Variants in KAZN observed in about 807,000 individuals in gnomAD.
KAZN encodes kazrin, periplakin interacting protein, also known as kazrin.
In KAZN, 40 loss-of-function variants were observed where a neutral mutation model predicts 87.4. The ratio of observed to expected loss-of-function variants is 0.46; its 90% CI spans 0.36 to 0.60. The LOEUF (loss-of-function observed/expected upper bound fraction) is 0.60. Among genes scored for constraint, KAZN ranks in the 20% least tolerant of loss-of-function variants. The pLI is 0.00. For synonymous variants in KAZN, 466 were observed against 458.3 expected, an observed-to-expected ratio of 1.02 and a Z score of -0.22; for missense variants, 898 against 1,073.9, an observed-to-expected ratio of 0.84 and a Z score of 2.29.
At chr1:14,125,267 A>G (rs1345673944) in intron 1 of KAZN, among the ~76,000 whole-genome samples, 1 of 152,142 alleles carries the variant, frequency 6.6e-6, no homozygotes, top group African/African-American at 2.4e-5. Context: ...ATGACTATCA[A>G]AAATGTCTTT....
chr1:15,071,821 G>A (rs143155790), intron 8 of KAZN, among the ~76,000 whole-genome samples: 1 of 152,292 alleles, frequency 6.6e-6, no homozygotes, highest in Non-Finnish European at 1.5e-5. Flanking sequence ...CCATGCTTCT[G>A]GATCACAGAA....
intron 1 of KAZN, among the ~76,000 whole-genome samples, chr1:14,101,529 G>A (rs1249155990): frequency 1.3e-5 from 2 of 152,244 alleles, no homozygotes; most frequent in African/African-American, 2.4e-5. Context: ...ATTGAAGGGA[G>A]AGGGCTGGAG....
At chr1:14,713,824 T>C (rs1642630380) in intron 1 of KAZN, among the ~76,000 whole-genome samples, 1 of 145,444 alleles carries the variant, frequency 6.9e-6, no homozygotes, top group African/African-American at 2.6e-5. Flanking sequence ...GGTGTGGTGA[T>C]GCACAGCTGT....
chr1:14,775,751 G>A (rs535123265), intron 1 of KAZN, among the ~76,000 whole-genome samples: 2 of 152,388 alleles, frequency 1.3e-5, no homozygotes, highest in East Asian at 3.9e-4. Flanking sequence ...AAAGGGGCAG[G>A]TGGGAATTCA....
At chr1:14,300,128 A>G (rs1031431233) in intron 2 of KAZN, among the ~76,000 whole-genome samples, 1 of 152,156 alleles carries the variant, frequency 6.6e-6, no homozygotes, top group Non-Finnish European at 1.5e-5. Flanking sequence ...AATGTAGCAC[A>G]TATGTTTGGA....
chr1:14,758,119 G>A (rs892270900), intron 1 of KAZN, among the ~76,000 whole-genome samples: 2 of 100,520 alleles, frequency 2.0e-5, no homozygotes, highest in African/African-American at 4.7e-5. Flanking sequence ...GTTTTGTTTT[G>A]TTTTTTCTCT....
intron 1 of KAZN, among the ~76,000 whole-genome samples, chr1:13,937,260 G>T (rs759674383): frequency 1.3e-4 from 20 of 152,140 alleles, no homozygotes; most frequent in Non-Finnish European, 2.1e-4. Flanking sequence ...TAGTCAGGCT[G>T]GTCTTGAACT....
chr1:14,448,035 A>G (rs746639031), intron 2 of KAZN, among the ~76,000 whole-genome samples: 13 of 152,224 alleles, frequency 8.5e-5, no homozygotes, highest in Non-Finnish European at 1.8e-4. Flanking sequence ...TAAACAGGAT[A>G]CCCACTCAGA....
intron 1 of KAZN, among the ~76,000 whole-genome samples, chr1:14,787,311 C>T (rs1737361): frequency 2.6e-5 from 4 of 151,786 alleles, no homozygotes; most frequent in Non-Finnish European, 5.9e-5. Flanking sequence ...CTCGTTACTC[C>T]CATGTTACAG....
chr1:14,386,674 G>A (rs945618069), intron 2 of KAZN, among the ~76,000 whole-genome samples: 12 of 152,114 alleles, frequency 7.9e-5, no homozygotes, highest in African/African-American at 9.7e-5. Flanking sequence ...AGTTTCTGCC[G>A]AGATATCCGC....
chr1:14,164,359 G>A (rs1292381598), intron 1 of KAZN, among the ~76,000 whole-genome samples: 1 of 151,888 alleles, frequency 6.6e-6, no homozygotes, highest in Non-Finnish European at 1.5e-5. Context: ...TTGGCACAAG[G>A]TCTCAGTTCT....
chr1:15,091,785 T>C (rs1640544430), intron 8 of KAZN, among the ~76,000 whole-genome samples: 1 of 152,252 alleles, frequency 6.6e-6, no homozygotes, highest in South Asian at 2.1e-4. Flanking sequence ...TATTGCTTCC[T>C]AGTATTTAAT....
chr1:15,095,607 AC>A (rs1640773901), intron 10 of KAZN, among the ~76,000 whole-genome samples: 1 of 59,968 alleles, frequency 1.7e-5, no homozygotes, highest in South Asian at 5.6e-4. Flanking sequence ...CCCCACCCCC[AC>A]CCCGCCCCAC....
chr1:14,120,158 G>A (rs529326186), intron 1 of KAZN, among the ~76,000 whole-genome samples: 1 of 152,312 alleles, frequency 6.6e-6, no homozygotes, highest in South Asian at 2.1e-4. Context: ...TCTGCAGGCT[G>A]TACAGGAAGC....
intron 1 of KAZN, among the ~76,000 whole-genome samples, chr1:14,785,547 G>A (rs1466805374): frequency 6.6e-6 from 1 of 152,024 alleles, no homozygotes; most frequent in African/African-American, 2.4e-5. Context: ...TCTCCCCAGT[G>A]ACCTTCCTGC....
intron 1 of KAZN, among the ~76,000 whole-genome samples, chr1:14,135,095 CA>C (rs1250202357): frequency 3.9e-5 from 6 of 151,906 alleles, no homozygotes; most frequent in African/African-American, 1.5e-4. Flanking sequence ...AAAGTAATGG[CA>C]AAAACTGCAA....
In KAZN at chr1:14,942,069, G is replaced by A. The variant is rs961064642; in HGVS notation, c.227-18615G>A. ...AAGTCGTGTTACAATGCAAACACCT[G>A]CTCCTGATTAGGACTTTTATTTCTT... On this transcript the variant is annotated intron_variant, in intron 1 of 14. Transcript: ENST00000376030. Among the ~76,000 whole-genome samples, 3 of 152,294 alleles carry A rather than the reference G, an allele frequency of 2.0e-5. No homozygotes were observed. In the East Asian group the frequency reaches 5.8e-4, roughly 29 times the overall value.
intron 1 of KAZN, among the ~76,000 whole-genome samples, chr1:13,905,006 A>C (rs1639384921): frequency 1.3e-5 from 2 of 152,036 alleles, no homozygotes; most frequent in African/African-American, 4.8e-5. Flanking sequence ...TTTTCTTTCT[A>C]GCTGTGTCTA....
upstream of KAZN, among the ~76,000 whole-genome samples, chr1:14,596,301 C>T (rs537301595): frequency 1.6e-3 from 143 of 90,674 alleles, 1 homozygote; most frequent in South Asian, 0.05. Flanking sequence ...TGCACGCACA[C>T]GTGTGCGCAC....
Sources: allele counts gnomAD v4.1 joint callset (sites outside exome capture counted in the v4.1 genomes callset), GRCh38; gene constraint gnomAD v4.1.1; transcripts MANE v1.5; gene names NCBI Gene and HGNC (gene_info 2026-07-23, HGNC 2026-07-21).